ACBD4: variants seen among roughly 807,000 people sequenced by gnomAD.
ACBD4 encodes the protein acyl-CoA binding domain containing 4.
A neutral mutation model predicts 46.0 loss-of-function variants in ACBD4; 41 were observed. The observed-to-expected ratio is 0.89, with a 90% confidence interval of 0.69 to 1.16. The LOEUF is 1.16. ACBD4 is among the 50% of genes most tolerant of loss of function. The probability of loss-of-function intolerance (pLI) is 0.00; values close to 1 mark genes in which losing one functional copy is unlikely to be tolerated. For missense variants in ACBD4, 393 were observed against 399.5 expected, an observed-to-expected ratio of 0.98 and a Z score of 0.14; for synonymous variants, 162 against 155.9, an observed-to-expected ratio of 1.04 and a Z score of -0.29.
rs2054918911 is a variant in ACBD4, at chr17:45,137,295, G to T, written c.416-73G>T. The T allele has an allele frequency of 4.4e-6, 7 of 1,602,218 alleles. No individual in the cohort carries two copies. In the East Asian group the frequency reaches 1.1e-4, roughly 26 times the overall value. The stretch of plus-strand genomic sequence containing the variant: ...CCAGGCAGCATCCACGGCTCATCAC[G>T]AGTAGGGGCTTGATCACACTGGGAG... On this transcript the variant is annotated intron_variant, in intron 5 of 9. Transcript: ENST00000321854.
chr17:45,135,992 C>CGA, intron 1 of ACBD4, 39 bp downstream of exon 1: 1 of 703,778 alleles, frequency 1.4e-6, no homozygotes, highest in Non-Finnish European at 2.3e-6. Context: ...CTTCTGACCT[C>CGA]CCAGGGTGTC....
At position 45,135,935 on chromosome 17, in the gene ACBD4, C is replaced by G. The variant is rs1186030566; in HGVS notation, c.-56C>G. 1.1e-5 allele frequency: 6 copies of G among 565,730 alleles called. No individual in the cohort carries two copies. In the East Asian group the frequency reaches 1.8e-4, roughly 17 times the overall value. 35.0% of individuals were successfully genotyped at this position (565,730 alleles called of 1,614,324 possible). Reference sequence around the variant, plus strand: ...TGCCTCGCCACCTGGCGACCCTGACCCCACCACACTGCCTTGAGGTAGGAA... The same window carrying G: ...TGCCTCGCCACCTGGCGACCCTGACGCCACCACACTGCCTTGAGGTAGGAA... On this transcript the variant is annotated 5_prime_UTR_variant, in exon 1 of 10. Coordinates refer to ENST00000321854, the MANE Select transcript of ACBD4 (RefSeq NM_001135705.3).
At chr17:45,139,186 A>G (rs2055100884) in intron 9 of ACBD4, 26 bp downstream of exon 9, 1 of 1,611,194 alleles carries the variant, frequency 6.2e-7, no homozygotes, top group South Asian at 1.1e-5. Context: ...CCATAGGACA[A>G]GATGATGGCA....
upstream of ACBD4, chr17:45,133,430 G>C (rs1411704600): frequency 6.6e-6 from 1 of 151,276 alleles, no homozygotes; most frequent in African/African-American, 2.4e-5. Flanking sequence ...CCACCTACTT[G>C]CCCTGCTCTA....
At chr17:45,141,352 C>G (rs574235848) in intron 9 of ACBD4, among the ~76,000 whole-genome samples, 1 of 152,286 alleles carries the variant, frequency 6.6e-6, no homozygotes, top group East Asian at 1.9e-4. Context: ...TACACATTTC[C>G]TGTGAACTGG....
Position 45,143,600 on chromosome 17 carries a change from C to T in ACBD4, c.*29C>T. On this transcript the variant is annotated 3_prime_UTR_variant, in exon 10 of 10. Coordinates refer to ENST00000321854, the MANE Select transcript of ACBD4 (RefSeq NM_001135705.3). The stretch of plus-strand genomic sequence containing the variant: ...TCAGTGGAGGGGTCTCTGCAGCCAA[C>T]TGAGACTATCTTGCTGTGCCCTGAG... The T allele has an allele frequency of 1.2e-6, 2 of 1,614,020 alleles. No homozygotes were observed. Among genetic ancestry groups the T allele is most frequent in the Non-Finnish European group, 1.7e-6 (2 of 1,180,010 alleles).
intron 9 of ACBD4, among the ~76,000 whole-genome samples, chr17:45,139,973 G>T (rs2055160440): frequency 6.6e-6 from 1 of 152,078 alleles, no homozygotes; most frequent in South Asian, 2.1e-4. Flanking sequence ...ACTCTGAGTG[G>T]GTCTGTTCTT....
At chr17:45,136,911 C>T (rs1174287289) in intron 4 of ACBD4, 108 bp from the exon 5 acceptor site, 2 of 1,591,624 alleles carry the variant, frequency 1.3e-6, no homozygotes, top group African/African-American at 1.3e-5. Context: ...CCAACCCTGC[C>T]TATCTTTGGC....
At position 45,137,028 on chromosome 17, in the gene ACBD4, A is replaced by G; in HGVS notation, c.304A>G (p.Thr102Ala). The G allele has an allele frequency of 6.2e-7, 1 of 1,614,090 alleles. No homozygotes were observed. The highest frequency in any genetic ancestry group is 8.5e-7 in the Non-Finnish European group (1 of 1,180,000). Reference protein sequence around the residue: ...MKLVAQKVIDTVPLGEVAEDM... With the variant: ...MKLVAQKVIDAVPLGEVAEDM... ...ACCCCCTCCCCTACAGGTGATCGAC[A>G]CAGTGCCCCTGGGTGAGGTGGCAGA... The change falls in exon 5 of 10, where the codon ACA (threonine) becomes GCA (alanine). Residue 102 changes from threonine (T) to alanine (A), a missense_variant. Coordinates refer to ENST00000321854, the MANE Select transcript of ACBD4 (RefSeq NM_001135705.3).
Position 45,136,949 on chromosome 17 carries a change from G to A in ACBD4, c.295-70G>A, listed in dbSNP as rs2143784307. 3.7e-6 allele frequency: 6 copies of A among 1,607,764 alleles called. 1 individual carries two copies. The Middle Eastern group carries it at 5.5e-4, about 148-fold the overall frequency. ...CTGACTGGGCACAGGGTGGAGGTGT[G>A]TGACAGGGCAGGAGCAGGGAGGAAG... On this transcript the variant is annotated intron_variant, in intron 4 of 9. Transcript: ENST00000321854.
rs1266595439 is a variant in ACBD4 at position 45,143,447 on chromosome 17, C to T, written c.794C>T (p.Pro265Leu). 3.1e-6 allele frequency: 5 copies of T among 1,607,664 alleles called. No individual in the cohort carries two copies. Among genetic ancestry groups the T allele is most frequent in the Admixed American group, 1.7e-5 (1 of 59,558 alleles). Residue 265 changes from proline to leucine, a missense_variant, in exon 10 of 10, where the codon CCG becomes CTG. Pro to Leu is a moderately conservative substitution (Grantham distance 98, BLOSUM62 -3). This residue lies in a region of ACBD4 where 308 missense variants were observed against 301.8 expected (regional missense o/e 1.02). Transcript: ENST00000321854. ...CTCCCTCCCTCTTGGCTGCAGAGGC[C>T]GCAGCCCAGGCCCAGTGCTCGGCCA... The part of the protein sequence containing the change: ...ESMPRPPEQR[P>L]QPRPSARPWP...
rs772860757 is a variant in ACBD4 at position 45,143,509 on chromosome 17, TTCC to T, written c.861_863del (p.Leu288del). 24 of 1,613,798 alleles carry T rather than the reference TTCC, an allele frequency of 1.5e-5. No individual in the cohort carries two copies. Among genetic ancestry groups the T allele is most frequent in the Non-Finnish European group, 1.8e-5 (21 of 1,179,984 alleles). On this transcript the variant is annotated inframe_deletion, in exon 10 of 10. Coordinates refer to ENST00000321854, the MANE Select transcript of ACBD4 (RefSeq NM_001135705.3). ...GCTCCCGGGGCCCGCGCTGCTCTTCTTCCTCCTGTGGCCCTTCGTCGTCCAGTG... is the reference window on the plus strand; with the variant it reads ...GCTCCCGGGGCCCGCGCTGCTCTTCTTCCTGTGGCCCTTCGTCGTCCAGTG...
intron 5 of ACBD4, 100 bp from the exon 6 acceptor site, chr17:45,137,268 T>C (rs1276779704): frequency 1.3e-6 from 2 of 1,596,862 alleles, no homozygotes; most frequent in Admixed American, 1.7e-5. Flanking sequence ...GAGAGGTGGA[T>C]CCCAGGCAGC....
At chr17:45,140,169 G>T (rs1598092948) in intron 9 of ACBD4, among the ~76,000 whole-genome samples, 1 of 142,996 alleles carries the variant, frequency 7.0e-6, no homozygotes, top group African/African-American at 2.6e-5. Flanking sequence ...CTTTTCTTCT[G>T]TTTTTTTTTT....
rs540011143 is a variant in ACBD4 at position 45,143,768 on chromosome 17, C to A, written c.*197C>A. 401 of 856,658 alleles carry A rather than the reference C, an allele frequency of 4.7e-4. No homozygotes were observed. The highest frequency in any genetic ancestry group is 6.8e-4 in the Non-Finnish European group (383 of 564,136). The allele number at this position is 856,658 out of a possible 1,614,324, so 53.1% of individuals were successfully genotyped here. The stretch of plus-strand genomic sequence containing the variant: ...CTTCACAGGGACGCTTCCTTCCCTC[C>A]CCGCAACCACCCCAGGCTCCCCTGG... On this transcript the variant is annotated 3_prime_UTR_variant, in exon 10 of 10. Transcript: ENST00000321854.
At chr17:45,132,365 G>C (rs1158002352), upstream of ACBD4, 1 of 1,229,610 alleles carries the variant, frequency 8.1e-7, no homozygotes, top group African/African-American at 1.6e-5. This position sits in a 1 kb window ranked among gnomAD's most constrained non-coding sequence, Gnocchi z 4.6. Flanking sequence ...GCCACCGGGG[G>C]CTCCTCGGGC....
At chr17:45,137,246 C>T in intron 5 of ACBD4, 107 bp downstream of exon 5, 1 of 1,597,386 alleles carries the variant, frequency 6.3e-7, no homozygotes, top group Admixed American at 1.7e-5. Context: ...CTGTTAGGGC[C>T]CCCAAGCCCC....
chr17:45,132,246 A>C, upstream of ACBD4: 1 of 1,272,712 alleles, frequency 7.9e-7, no homozygotes, highest in Non-Finnish European at 9.9e-7. This position sits in a 1 kb window ranked among gnomAD's most constrained non-coding sequence, Gnocchi z 4.6. Context: ...CCCGTCACTG[A>C]CCCATCTTCT....
intron 9 of ACBD4, among the ~76,000 whole-genome samples, chr17:45,142,411 A>G (rs1337927526): frequency 1.3e-5 from 2 of 149,294 alleles, no homozygotes; most frequent in African/African-American, 2.4e-5. Flanking sequence ...AAAAAAAAAA[A>G]AAAAAAAAGA....
Sources: allele counts gnomAD v4.1 joint callset (sites outside exome capture counted in the v4.1 genomes callset), GRCh38; gene constraint gnomAD v4.1.1; regional missense constraint gnomAD v4.1.1; non-coding constraint Gnocchi (gnomAD v3.1); transcripts MANE v1.5; gene names NCBI Gene and HGNC (gene_info 2026-07-23, HGNC 2026-07-21).